Variants in FOXP2 observed in about 807,000 individuals in gnomAD.
The protein encoded by FOXP2 is forkhead box protein P2.
FOXP2 carries 12 observed loss-of-function variants against 115.8 expected under a neutral mutation model. The observed-to-expected ratio is 0.10, with a 90% confidence interval of 0.07 to 0.17. The LOEUF is 0.17. Ranked by LOEUF, FOXP2 falls within the 10% of genes least tolerant of loss-of-function variation. The probability of loss-of-function intolerance (pLI) is 1.00; values close to 1 mark genes in which losing one functional copy is unlikely to be tolerated. For missense variants in FOXP2, 629 were observed against 843.5 expected, an observed-to-expected ratio of 0.75 and a Z score of 3.15; for synonymous variants, 328 against 297.7, an observed-to-expected ratio of 1.10 and a Z score of -1.05.
intron 1 of FOXP2, among the ~76,000 whole-genome samples, chr7:114,229,270 G>A (rs1431884515): frequency 2.0e-5 from 3 of 151,150 alleles, no homozygotes; most frequent in Non-Finnish European, 3.0e-5. Flanking sequence ...AATATATGAT[G>A]CAAACATTGC....
chr7:114,659,755 A>G, intron 13 of FOXP2, 82 bp downstream of exon 13: 1 of 1,088,996 alleles, frequency 9.2e-7, no homozygotes, highest in Non-Finnish European at 1.4e-6. Context: ...ACATGACATA[A>G]GCAGATTAGT....
chr7:114,132,515 G>A (rs1035283061), intron 1 of FOXP2, among the ~76,000 whole-genome samples: 29 of 148,654 alleles, frequency 2.0e-4, no homozygotes, highest in Middle Eastern at 3.4e-3. Context: ...AAGTACTATA[G>A]AGAAAAATAA....
chr7:114,439,868 C>T (rs974227154), intron 2 of FOXP2, among the ~76,000 whole-genome samples: 2 of 152,094 alleles, frequency 1.3e-5, no homozygotes, highest in Admixed American at 1.3e-4. Flanking sequence ...ACCACCACAC[C>T]TGGCCTACAT....
rs146080982 is a variant in FOXP2 at position 114,642,558 on chromosome 7, A to G, written c.924A>G (p.Ser308=). 5 of 1,613,800 alleles carry G rather than the reference A, an allele frequency of 3.1e-6. No homozygotes were observed. The highest frequency in any genetic ancestry group is 4.2e-6 in the Non-Finnish European group (5 of 1,179,950). Reference sequence around the variant, plus strand: ...CCTCCTCCAACACTTCCAAAGCATCACCACCAATAACTCATCATTCCATAG... The same window carrying G: ...CCTCCTCCAACACTTCCAAAGCATCGCCACCAATAACTCATCATTCCATAG... ...STTSSNTSKA[S]PPITHHSIVN... The change falls in exon 7 of 17, where the codon TCA becomes TCG. Residue 308 remains serine, a synonymous_variant. Coordinates refer to ENST00000350908, the MANE Select transcript of FOXP2 (RefSeq NM_014491.4).
upstream of FOXP2, among the ~76,000 whole-genome samples, chr7:114,411,612 G>A (rs554970460): frequency 2.0e-5 from 3 of 152,150 alleles, no homozygotes; most frequent in South Asian, 2.1e-4. Context: ...AAATGCCACC[G>A]ATTTAGTTTA....
chr7:114,298,798 C>T (rs954750618), intron 2 of FOXP2, among the ~76,000 whole-genome samples: 1 of 152,164 alleles, frequency 6.6e-6, no homozygotes, highest in Non-Finnish European at 1.5e-5. Context: ...GTTTATGATG[C>T]AGTTCCACAC....
chr7:114,339,878 G>C (rs1791158779), intron 2 of FOXP2, among the ~76,000 whole-genome samples: 1 of 151,006 alleles, frequency 6.6e-6, no homozygotes, highest in Non-Finnish European at 1.5e-5. Flanking sequence ...TTACAAGATA[G>C]GGATTCTTAT....
At chr7:114,184,715 T>C (rs1793548833) in intron 1 of FOXP2, among the ~76,000 whole-genome samples, 1 of 152,124 alleles carries the variant, frequency 6.6e-6, no homozygotes, top group South Asian at 2.1e-4. Flanking sequence ...AAAACAAGAT[T>C]ATATGAGGTC....
chr7:114,624,736 C>A (rs1804444236), intron 3 of FOXP2, among the ~76,000 whole-genome samples: 4 of 151,472 alleles, frequency 2.6e-5, no homozygotes, highest in Admixed American at 2.6e-4. Context: ...ATGACATATA[C>A]TTTAAATTTT....
At chr7:114,562,668 T>G (rs957460111) in intron 3 of FOXP2, among the ~76,000 whole-genome samples, 3 of 152,198 alleles carry the variant, frequency 2.0e-5, no homozygotes, top group Non-Finnish European at 2.9e-5. Flanking sequence ...CAGTCTCCCA[T>G]TTCTCTGTGT....
chr7:114,173,448 T>C (rs1262139295), intron 1 of FOXP2, among the ~76,000 whole-genome samples: 1 of 151,636 alleles, frequency 6.6e-6, no homozygotes, highest in African/African-American at 2.4e-5. Flanking sequence ...TTCCCAGGAG[T>C]GAACGTCATC....
At chr7:114,320,427 T>C (rs899406605) in intron 2 of FOXP2, among the ~76,000 whole-genome samples, 2 of 152,160 alleles carry the variant, frequency 1.3e-5, no homozygotes, top group East Asian at 3.8e-4. Flanking sequence ...CTACTCATTG[T>C]TCAAGTTACT....
At chr7:114,678,184 G>C (rs972858566) in intron 16 of FOXP2, among the ~76,000 whole-genome samples, 1 of 152,082 alleles carries the variant, frequency 6.6e-6, no homozygotes, top group Non-Finnish European at 1.5e-5. Context: ...CTAAAAAATA[G>C]CCATCTTAAA....
intron 8 of FOXP2, among the ~76,000 whole-genome samples, chr7:114,650,010 G>A (rs1806149113): frequency 1.3e-5 from 2 of 151,992 alleles, no homozygotes; most frequent in Non-Finnish European, 2.9e-5. Flanking sequence ...GAGAATAAAG[G>A]ACTATTTTAA....
chr7:114,185,528 A>T lies in FOXP2; in HGVS notation c.-102+22440A>T, dbSNP rs927533117. Among the ~76,000 whole-genome samples the T allele has an allele frequency of 7.2e-5, 11 of 152,332 alleles. No homozygotes were observed. The South Asian group carries it at 8.3e-4, about 11-fold the overall frequency. ...CTGGAACATAGTAATTGCTTAGTAA[A>T]TGCTAACTTTTGTTATTATTGTTTA... On this transcript the variant is annotated intron_variant, in intron 1 of 17. Coordinates refer to the FOXP2 transcript ENST00000634411.
intron 2 of FOXP2, among the ~76,000 whole-genome samples, chr7:114,339,058 CT>C (rs1297147699): frequency 2.6e-5 from 4 of 150,976 alleles, no homozygotes; most frequent in Non-Finnish European, 1.5e-5. Flanking sequence ...TAAATTGTAG[CT>C]TTTCCAGAAA....
intron 3 of FOXP2, among the ~76,000 whole-genome samples, chr7:114,590,696 T>A (rs1802397196): frequency 6.6e-6 from 1 of 152,136 alleles, no homozygotes; most frequent in African/African-American, 2.4e-5. Context: ...TGTTTGACAA[T>A]AATATATTGT....
At chr7:114,444,709 A>G (rs574437871) in intron 2 of FOXP2, among the ~76,000 whole-genome samples, 3 of 152,284 alleles carry the variant, frequency 2.0e-5, no homozygotes, top group South Asian at 4.1e-4. Flanking sequence ...TTATTTTAAG[A>G]TTGATGACTG....
intron 1 of FOXP2, among the ~76,000 whole-genome samples, chr7:114,185,540 G>T (rs1430333362): frequency 2.0e-5 from 3 of 152,160 alleles, no homozygotes; most frequent in Admixed American, 6.5e-5. Flanking sequence ...GCTAACTTTT[G>T]TTATTATTGT....
Sources: allele counts gnomAD v4.1 joint callset (sites outside exome capture counted in the v4.1 genomes callset), GRCh38; gene constraint gnomAD v4.1.1; transcripts MANE v1.5; gene names NCBI Gene and HGNC (gene_info 2026-07-23, HGNC 2026-07-21).